Variants in GRID2 observed in about 807,000 individuals in gnomAD.
The protein encoded by GRID2 is glutamate ionotropic receptor delta type subunit 2, also known as glutamate receptor ionotropic, delta-2.
In GRID2, 33 loss-of-function variants were observed where a neutral mutation model predicts 114.8. The observed-to-expected ratio is 0.29, with a 90% CI of 0.22 to 0.38. GRID2 has a LOEUF of 0.38. Among genes scored for constraint, GRID2 ranks in the 10% least tolerant of loss-of-function variants. The pLI, the probability that GRID2 is intolerant of heterozygous loss-of-function variation, is 1.00. For missense variants in GRID2, 1,184 were observed against 1,257.7 expected, an observed-to-expected ratio of 0.94 and a Z score of 0.89; for synonymous variants, 505 against 449.9, an observed-to-expected ratio of 1.12 and a Z score of -1.55.
intron 8 of GRID2, chr4:93,319,779 A>T (rs970515983): frequency 3.3e-5 from 5 of 152,168 alleles, no homozygotes; most frequent in Non-Finnish European, 7.3e-5. Context: ...GAAATTCATC[A>T]AGGAAAACAT....
intron 8 of GRID2, among the ~76,000 whole-genome samples, chr4:93,364,000 G>T (rs1226531031): frequency 6.6e-6 from 1 of 151,658 alleles, no homozygotes; most frequent in African/African-American, 2.4e-5. Context: ...AAATTCTCTT[G>T]CCAAAGAGTA....
intron 4 of GRID2, among the ~76,000 whole-genome samples, chr4:93,126,542 T>C (rs934950778): frequency 2.1e-5 from 3 of 143,668 alleles, no homozygotes; most frequent in African/African-American, 7.6e-5. Flanking sequence ...TGGTAGAAGA[T>C]AAAATTATCC....
chr4:93,120,415 A>G (rs1733672144), intron 4 of GRID2, among the ~76,000 whole-genome samples: 1 of 152,208 alleles, frequency 6.6e-6, no homozygotes, highest in Non-Finnish European at 1.5e-5. Flanking sequence ...CTATGCAGCC[A>G]TAAAAAAGAA....
chr4:92,922,091 T>C (rs1401827207), intron 2 of GRID2, among the ~76,000 whole-genome samples: 1 of 152,152 alleles, frequency 6.6e-6, no homozygotes, highest in Non-Finnish European at 1.5e-5. Context: ...CAGTTTGATC[T>C]CAGACTGCTG....
intron 3 of GRID2, among the ~76,000 whole-genome samples, chr4:93,089,016 G>A (rs528913616): frequency 1.2e-4 from 18 of 151,886 alleles, no homozygotes; most frequent in Non-Finnish European, 1.5e-4. Flanking sequence ...GTATTATCTC[G>A]TTTACTCCTC....
chr4:92,867,550 C>T lies in GRID2; in HGVS notation c.245-217445C>T, dbSNP rs546250528. On this transcript the variant is annotated intron_variant, in intron 2 of 15. Transcript: ENST00000282020. The stretch of plus-strand genomic sequence containing the variant: ...AATTGAGCAAGTGATTATGGAACCC[C>T]TGAATGCAGAGAGAAGTTTAGCTGT... 4.6e-5 allele frequency among the ~76,000 whole-genome samples: 7 copies of T among 151,824 alleles called. No individual in the cohort carries two copies. The South Asian group carries it at 1.2e-3, about 27-fold the overall frequency.
chr4:93,031,530 A>G (rs967308005), intron 2 of GRID2, among the ~76,000 whole-genome samples: 4 of 151,996 alleles, frequency 2.6e-5, no homozygotes, highest in South Asian at 2.1e-4. Flanking sequence ...CATAATTCCT[A>G]TGTGTCGTGG....
intron 2 of GRID2, among the ~76,000 whole-genome samples, chr4:92,811,010 T>C (rs1173576107): frequency 6.6e-6 from 1 of 152,106 alleles, no homozygotes. Flanking sequence ...CTCAAACTCC[T>C]GGCCTCAAGC....
At chr4:92,480,923 G>T (rs1020606135) in intron 1 of GRID2, among the ~76,000 whole-genome samples, 1 of 152,102 alleles carries the variant, frequency 6.6e-6, no homozygotes, top group African/African-American at 2.4e-5. Context: ...CTCTTAGGAA[G>T]TTGTCAACTC....
chr4:93,445,646 T>C, intron 10 of GRID2, among the ~76,000 whole-genome samples: 1 of 152,006 alleles, frequency 6.6e-6, no homozygotes, highest in East Asian at 1.9e-4. Context: ...GTTAGAAAAT[T>C]CCTTTTCCCA....
At chr4:92,821,330 G>C (rs555430606) in intron 2 of GRID2, among the ~76,000 whole-genome samples, 1 of 152,284 alleles carries the variant, frequency 6.6e-6, no homozygotes, top group East Asian at 1.9e-4. Context: ...TTAGAAGAGA[G>C]AACAAAATGG....
At chr4:93,339,368 C>A (rs1238256370) in intron 8 of GRID2, among the ~76,000 whole-genome samples, 1 of 152,072 alleles carries the variant, frequency 6.6e-6, no homozygotes, top group African/African-American at 2.4e-5. Flanking sequence ...AAGAAGGACC[C>A]ACTGACGACA....
chr4:93,455,409 T>C (rs1159353418), intron 10 of GRID2, among the ~76,000 whole-genome samples: 1 of 152,190 alleles, frequency 6.6e-6, no homozygotes, highest in Non-Finnish European at 1.5e-5. Context: ...TGAAATATTC[T>C]TCACTGATTT....
At chr4:92,902,654 T>G (rs1235838968) in intron 2 of GRID2, among the ~76,000 whole-genome samples, 1 of 152,072 alleles carries the variant, frequency 6.6e-6, no homozygotes, top group Non-Finnish European at 1.5e-5. Flanking sequence ...TAATCCATCT[T>G]GAGTTATCTT....
chr4:92,327,580 T>C (rs1334865001), intron 1 of GRID2, among the ~76,000 whole-genome samples: 1 of 151,950 alleles, frequency 6.6e-6, no homozygotes, highest in Non-Finnish European at 1.5e-5. Context: ...CAGATCTTTA[T>C]AGTAAACTAG....
chr4:93,261,958 T>C (rs1012325190), intron 8 of GRID2, among the ~76,000 whole-genome samples: 4 of 151,730 alleles, frequency 2.6e-5, no homozygotes, highest in African/African-American at 4.8e-5. Flanking sequence ...TGAACCAAAA[T>C]AGGCTCAAGG....
intron 1 of GRID2, among the ~76,000 whole-genome samples, chr4:92,338,384 G>A (rs920773732): frequency 5.9e-5 from 9 of 152,106 alleles, no homozygotes; most frequent in South Asian, 2.1e-4. Context: ...CATTGCATTC[G>A]TATAATTTTG....
At chr4:93,608,558 A>G (rs1740576061) in intron 13 of GRID2, among the ~76,000 whole-genome samples, 1 of 143,654 alleles carries the variant, frequency 7.0e-6, no homozygotes, top group African/African-American at 2.6e-5. Context: ...GAGAATACGC[A>G]GTGTTTGGTT....
At chr4:93,487,530 C>G (rs1415371216) in intron 11 of GRID2, among the ~76,000 whole-genome samples, 2 of 151,932 alleles carry the variant, frequency 1.3e-5, no homozygotes, top group Non-Finnish European at 2.9e-5. Context: ...TTTTCTTTGA[C>G]CCATGACTTC....
Sources: gnomAD v4.1 joint callset for allele counts (sites outside exome capture counted in the v4.1 genomes callset) on GRCh38, gnomAD v4.1.1 for gene constraint, MANE v1.5 for transcripts, NCBI Gene and HGNC (gene_info 2026-07-23, HGNC 2026-07-21) for gene names.